The following RARB variants were observed in gnomAD, a reference collection of about 807,000 sequenced individuals.
RARB encodes retinoic acid receptor beta, also known as HBV-activated protein.
In RARB, 17 loss-of-function variants were observed where a neutral mutation model predicts 51.9. That is an observed-to-expected ratio of 0.33 (90% confidence interval 0.22 to 0.49). RARB has a LOEUF of 0.49. Among genes scored for constraint, RARB ranks in the 20% least tolerant of loss-of-function variants. The probability of loss-of-function intolerance (pLI) is 0.99; values close to 1 mark genes in which losing one functional copy is unlikely to be tolerated. For missense variants in RARB, 369 were observed against 550.8 expected (o/e 0.67, Z 3.30); for synonymous variants, 215 against 195.4 (o/e 1.10, Z -0.84).
At chr3:24,919,370 C>T (rs889705745) in intron 2 of RARB, among the ~76,000 whole-genome samples, 3 of 151,992 alleles carry the variant, frequency 2.0e-5, no homozygotes, top group African/African-American at 4.8e-5. Flanking sequence ...GAACTATAAC[C>T]GAAATGCAGG....
At chr3:24,959,553 A>C (rs1696094246) in intron 2 of RARB, among the ~76,000 whole-genome samples, 1 of 152,182 alleles carries the variant, frequency 6.6e-6, no homozygotes, top group African/African-American at 2.4e-5. Context: ...AAAAAGCAGC[A>C]TTCTAGTGGG....
chr3:24,907,499 T>C (rs4858132), intron 2 of RARB, among the ~76,000 whole-genome samples: 116,517 of 152,136 alleles, frequency 0.77, 45,192 homozygotes, highest in East Asian at 0.87. Context: ...TATTATTAAA[T>C]GTGGTTAAAT....
chr3:25,080,002 G>A (rs7628200), intron 3 of RARB, among the ~76,000 whole-genome samples: 110,870 of 152,112 alleles, frequency 0.73, 41,058 homozygotes, highest in East Asian at 0.84. Context: ...CAGTGGCATT[G>A]ATTAAACAAT....
At chr3:25,394,577 G>A (rs1456091755) in intron 5 of RARB, among the ~76,000 whole-genome samples, 4 of 152,058 alleles carry the variant, frequency 2.6e-5, no homozygotes, top group Admixed American at 2.0e-4. Flanking sequence ...AAACTTGGGA[G>A]CTCCAGTGTT....
At chr3:25,073,808 G>A (rs1698817866) in intron 3 of RARB, among the ~76,000 whole-genome samples, 1 of 151,370 alleles carries the variant, frequency 6.6e-6, no homozygotes, top group Non-Finnish European at 1.5e-5. Context: ...AATGTATAAA[G>A]TAGAATTGGG....
intron 2 of RARB, among the ~76,000 whole-genome samples, chr3:24,946,056 G>C (rs942709252): frequency 2.6e-4 from 39 of 151,962 alleles, no homozygotes; most frequent in African/African-American, 9.4e-4. Flanking sequence ...ACGAGGTCAG[G>C]AGATCGAGAT....
intron 5 of RARB, among the ~76,000 whole-genome samples, chr3:25,206,129 C>T (rs915030347): frequency 9.9e-5 from 15 of 152,176 alleles, no homozygotes; most frequent in African/African-American, 3.1e-4. Context: ...CAAGGATCAT[C>T]TGTATAGATG....
chr3:24,908,669 T>G (rs1400071156), intron 2 of RARB, among the ~76,000 whole-genome samples: 2 of 144,994 alleles, frequency 1.4e-5, no homozygotes, highest in African/African-American at 2.5e-5. Flanking sequence ...AACTGTTTTT[T>G]TTTTTTTTTT....
At chr3:25,586,669 G>A (rs565997755) in intron 5 of RARB, among the ~76,000 whole-genome samples, 3 of 152,296 alleles carry the variant, frequency 2.0e-5, no homozygotes, top group Admixed American at 6.5e-5. Flanking sequence ...GTGACGGCCT[G>A]TGTGACTTCA....
chr3:25,489,778 G>C (rs1186861375), intron 2 of RARB, among the ~76,000 whole-genome samples: 3 of 152,238 alleles, frequency 2.0e-5, no homozygotes, highest in Non-Finnish European at 4.4e-5. Flanking sequence ...ACTGAGCAGA[G>C]AGAAAACACT....
At chr3:25,279,757 C>G (rs750827337) in intron 5 of RARB, among the ~76,000 whole-genome samples, 2 of 152,000 alleles carry the variant, frequency 1.3e-5, no homozygotes, top group Non-Finnish European at 2.9e-5. Flanking sequence ...GATATATTAG[C>G]TTTTAGGCAT....
chr3:25,329,097 G>T (rs1454723703), intron 5 of RARB, among the ~76,000 whole-genome samples: 1 of 152,190 alleles, frequency 6.6e-6, no homozygotes, highest in Non-Finnish European at 1.5e-5. Context: ...ACCTCTCAGG[G>T]CAGGGCATAG....
At chr3:24,896,532 T>A (rs1014439000) in intron 2 of RARB, among the ~76,000 whole-genome samples, 1 of 152,282 alleles carries the variant, frequency 6.6e-6, no homozygotes, top group Middle Eastern at 3.4e-3. Context: ...GTGCTGGGAT[T>A]ACAGGTGCCA....
chr3:25,004,862 T>G (rs952244414), intron 2 of RARB, among the ~76,000 whole-genome samples: 1 of 152,198 alleles, frequency 6.6e-6, no homozygotes, highest in African/African-American at 2.4e-5. Context: ...AAAATTCTAC[T>G]GCTGTGTATC....
chr3:25,457,382 T>C (rs1694972714), intron 1 of RARB, among the ~76,000 whole-genome samples: 1 of 152,232 alleles, frequency 6.6e-6, no homozygotes, highest in South Asian at 2.1e-4. Flanking sequence ...AGTCTGAGAA[T>C]CTATTGTACT....
intron 5 of RARB, among the ~76,000 whole-genome samples, chr3:25,252,769 A>G (rs1204163977): frequency 6.6e-6 from 1 of 152,128 alleles, no homozygotes; most frequent in Non-Finnish European, 1.5e-5. Flanking sequence ...CTTCAAATTT[A>G]TCTATATCCC....
chr3:25,316,026 G>T (rs1704414841), intron 5 of RARB, among the ~76,000 whole-genome samples: 1 of 152,098 alleles, frequency 6.6e-6, no homozygotes, highest in African/African-American at 2.4e-5. Flanking sequence ...CCACTAGACT[G>T]GACTCTGGTT....
At chr3:25,334,702 T>C (rs1705013130) in intron 5 of RARB, among the ~76,000 whole-genome samples, 1 of 151,300 alleles carries the variant, frequency 6.6e-6, no homozygotes, top group African/African-American at 2.4e-5. Flanking sequence ...AATAAATCCT[T>C]AATGTAAAAA....
intron 5 of RARB, among the ~76,000 whole-genome samples, chr3:25,393,057 T>C (rs1461190322): frequency 1.3e-5 from 2 of 152,138 alleles, no homozygotes. Flanking sequence ...CCTTAAGGTA[T>C]GTCCCTTCTA....
Sources: allele counts gnomAD v4.1 joint callset (sites outside exome capture counted in the v4.1 genomes callset), GRCh38; gene constraint gnomAD v4.1.1; transcripts MANE v1.5; gene names NCBI Gene and HGNC (gene_info 2026-07-23, HGNC 2026-07-21).